SNTG2: variants seen among roughly 807,000 people sequenced by gnomAD.
The protein encoded by SNTG2 is syntrophin gamma 2.
A neutral mutation model predicts 70.9 loss-of-function variants in SNTG2; 74 were observed. That is an observed-to-expected ratio of 1.04 (90% CI 0.86 to 1.27). The LOEUF is 1.27. SNTG2 is among the 50% of genes most tolerant of loss of function. SNTG2 has a pLI of 0.00. For synonymous variants in SNTG2, 278 were observed against 273.8 expected, an observed-to-expected ratio of 1.02 and a Z score of -0.15; for missense variants, 717 against 690.7, an observed-to-expected ratio of 1.04 and a Z score of -0.43.
At chr2:1,322,546 T>C (rs937206507) in intron 16 of SNTG2, among the ~76,000 whole-genome samples, 14 of 152,158 alleles carry the variant, frequency 9.2e-5, no homozygotes, top group African/African-American at 3.4e-4. Flanking sequence ...ATGGCCTCCT[T>C]AGATGGTTTT....
intron 14 of SNTG2, among the ~76,000 whole-genome samples, chr2:1,274,445 C>G (rs1215718142): frequency 6.6e-6 from 1 of 152,224 alleles, no homozygotes; most frequent in Non-Finnish European, 1.5e-5. Flanking sequence ...GTGGAACACT[C>G]TCCAAGCAAC....
intron 14 of SNTG2, among the ~76,000 whole-genome samples, chr2:1,271,762 C>T (rs1449663949): frequency 6.6e-6 from 1 of 152,138 alleles, no homozygotes; most frequent in South Asian, 2.1e-4. Context: ...TCCCCTTCAG[C>T]CTAGCTGTGC....
intron 1 of SNTG2, among the ~76,000 whole-genome samples, chr2:995,214 T>C (rs1661638617): frequency 6.6e-6 from 1 of 152,086 alleles, no homozygotes; most frequent in African/African-American, 2.4e-5. Flanking sequence ...ACAGATAACT[T>C]TTATCAGATT....
chr2:1,303,845 T>C (rs543746586), intron 14 of SNTG2, among the ~76,000 whole-genome samples: 30 of 152,342 alleles, frequency 2.0e-4, no homozygotes, highest in Non-Finnish European at 3.7e-4. Flanking sequence ...TCTACACATA[T>C]AAATCTCGCA....
intron 6 of SNTG2, among the ~76,000 whole-genome samples, chr2:1,162,053 G>C (rs528713046): frequency 4.3e-5 from 5 of 117,250 alleles, no homozygotes; most frequent in Admixed American, 1.3e-4. Context: ...CAGCCTGGGC[G>C]ACAGTGAGAC....
chr2:1,081,491 C>T (rs1664293323), intron 1 of SNTG2, among the ~76,000 whole-genome samples: 1 of 152,242 alleles, frequency 6.6e-6, no homozygotes, highest in Admixed American at 6.5e-5. Flanking sequence ...AGGGATATGT[C>T]TACATTTCTT....
intron 4 of SNTG2, among the ~76,000 whole-genome samples, chr2:1,116,600 G>A (rs181519669): frequency 2.8e-4 from 41 of 148,976 alleles, no homozygotes; most frequent in Admixed American, 1.1e-3. Context: ...CCCGGTGTTC[G>A]GGTGCCCTGG....
intron 9 of SNTG2, among the ~76,000 whole-genome samples, chr2:1,231,188 C>T (rs1676216735): frequency 6.6e-6 from 1 of 151,550 alleles, no homozygotes; most frequent in African/African-American, 2.4e-5. Flanking sequence ...CATAGGGTCA[C>T]TGCGAGGGTG....
At chr2:1,037,758 GT>G (rs1162764514) in intron 1 of SNTG2, among the ~76,000 whole-genome samples, 4 of 152,130 alleles carry the variant, frequency 2.6e-5, no homozygotes, top group Admixed American at 2.0e-4. Flanking sequence ...CATTTTTGTT[GT>G]TTGCATGAAT....
chr2:1,115,756 G>A (rs1432565270), intron 4 of SNTG2, among the ~76,000 whole-genome samples: 2 of 145,038 alleles, frequency 1.4e-5, no homozygotes, highest in African/African-American at 5.0e-5. Flanking sequence ...GAGAAGGATC[G>A]TGTGTACTAA....
chr2:1,282,515 G>C (rs556569058), intron 14 of SNTG2, among the ~76,000 whole-genome samples: 59 of 152,354 alleles, frequency 3.9e-4, no homozygotes, highest in African/African-American at 1.3e-3. Flanking sequence ...GCTGGGCTGA[G>C]TGGCATCTGT....
At chr2:1,285,348 A>T (rs1288577438) in intron 14 of SNTG2, among the ~76,000 whole-genome samples, 2 of 152,160 alleles carry the variant, frequency 1.3e-5, no homozygotes, top group East Asian at 1.9e-4. Context: ...GTTGACACTC[A>T]GTATTAACCA....
intron 8 of SNTG2, among the ~76,000 whole-genome samples, chr2:1,190,330 G>C (rs1329339107): frequency 6.6e-6 from 1 of 151,446 alleles, no homozygotes; most frequent in Non-Finnish European, 1.5e-5. Flanking sequence ...ACCTAATACA[G>C]TGTAAATGCT....
At chr2:1,106,742 T>C (rs1394615856) in intron 4 of SNTG2, among the ~76,000 whole-genome samples, 9 of 63,554 alleles carry the variant, frequency 1.4e-4, no homozygotes, top group East Asian at 5.2e-4. Flanking sequence ...TCCTTGATAA[T>C]AATGGACACG....
intron 6 of SNTG2, among the ~76,000 whole-genome samples, chr2:1,155,336 T>G (rs13408520): frequency 0.77 from 116,390 of 151,326 alleles, 45,247 homozygotes; most frequent in Middle Eastern, 0.92. Context: ...TATACACATA[T>G]GCACACCACA....
At chr2:1,180,784 C>A (rs1185184996) in intron 8 of SNTG2, among the ~76,000 whole-genome samples, 1 of 151,784 alleles carries the variant, frequency 6.6e-6, no homozygotes, top group East Asian at 2.0e-4. Context: ...TTTATTGTGG[C>A]ACTATTCACA....
intron 1 of SNTG2, among the ~76,000 whole-genome samples, chr2:1,030,521 C>T (rs1312119173): frequency 6.6e-6 from 1 of 152,070 alleles, no homozygotes; most frequent in African/African-American, 2.4e-5. Context: ...CCGAGCTGTC[C>T]ACACGTGTGC....
At chr2:1,049,639 G>C (rs1661941242) in intron 1 of SNTG2, among the ~76,000 whole-genome samples, 1 of 152,176 alleles carries the variant, frequency 6.6e-6, no homozygotes, top group African/African-American at 2.4e-5. Context: ...CATGTTTTCA[G>C]CTCCTTTGGG....
chr2:1,020,595 A>G (rs1660112679), intron 1 of SNTG2, among the ~76,000 whole-genome samples: 1 of 152,180 alleles, frequency 6.6e-6, no homozygotes, highest in Non-Finnish European at 1.5e-5. Context: ...CCAACAGAAA[A>G]GTTGGAAGAA....
Sources: allele counts gnomAD v4.1 joint callset (sites outside exome capture counted in the v4.1 genomes callset), GRCh38; gene constraint gnomAD v4.1.1; transcripts MANE v1.5; gene names NCBI Gene and HGNC (gene_info 2026-07-23, HGNC 2026-07-21).